The following SOX5 variants were observed in gnomAD, a reference collection of about 807,000 sequenced individuals.
The protein encoded by SOX5 is transcription factor SOX-5.
A neutral mutation model predicts 92.0 loss-of-function variants in SOX5; 9 were observed. The ratio of observed to expected loss-of-function variants is 0.10; its 90% CI spans 0.06 to 0.17. The LOEUF is 0.17. Among genes scored for constraint, SOX5 ranks in the 10% least tolerant of loss-of-function variants. The probability of loss-of-function intolerance (pLI) is 1.00; values close to 1 mark genes in which losing one functional copy is unlikely to be tolerated. For synonymous variants in SOX5, 344 were observed against 336.3 expected (o/e 1.02, Z -0.25); for missense variants, 642 against 944.5 (o/e 0.68, Z 4.20).
chr12:24,440,981 G>A (rs1940464995), intron 1 of SOX5, among the ~76,000 whole-genome samples: 1 of 152,176 alleles, frequency 6.6e-6, no homozygotes, highest in Non-Finnish European at 1.5e-5. Context: ...CACAGTCAGG[G>A]TTCATGCATT....
At chr12:24,282,337 C>T (rs1945309284) in intron 2 of SOX5, among the ~76,000 whole-genome samples, 1 of 151,150 alleles carries the variant, frequency 6.6e-6, no homozygotes, top group South Asian at 2.1e-4. Flanking sequence ...TGCACATGTA[C>T]CCTAAAACTT....
chr12:23,592,153 C>T (rs939113734), intron 9 of SOX5, among the ~76,000 whole-genome samples: 5 of 152,082 alleles, frequency 3.3e-5, no homozygotes, highest in South Asian at 2.1e-4. Flanking sequence ...TTTGCGGTTT[C>T]GTGAAAATGT....
At chr12:23,635,576 G>A (rs1484822960) in intron 8 of SOX5, among the ~76,000 whole-genome samples, 4 of 152,016 alleles carry the variant, frequency 2.6e-5, no homozygotes, top group African/African-American at 9.7e-5. Context: ...TAATGTAAAT[G>A]ACAAGTTAAT....
At chr12:23,859,484 CCT>C (rs1812881554) in intron 2 of SOX5, among the ~76,000 whole-genome samples, 1 of 152,152 alleles carries the variant, frequency 6.6e-6, no homozygotes, top group Admixed American at 6.5e-5. Flanking sequence ...GCTCTGGAAC[CCT>C]GTTTCCTGTT....
intron 4 of SOX5, among the ~76,000 whole-genome samples, chr12:24,035,769 T>C (rs1287924808): frequency 6.6e-6 from 1 of 152,034 alleles, no homozygotes; most frequent in Non-Finnish European, 1.5e-5. Flanking sequence ...CTACAACTGT[T>C]TTCCCTGCTG....
intron 13 of SOX5, among the ~76,000 whole-genome samples, chr12:23,537,277 T>C (rs1321865912): frequency 6.6e-6 from 1 of 152,198 alleles, no homozygotes; most frequent in Non-Finnish European, 1.5e-5. Flanking sequence ...GACATACTGA[T>C]GTCTTTTTCC....
At chr12:23,933,507 C>T (rs1444552715) in intron 1 of SOX5, among the ~76,000 whole-genome samples, 1 of 151,528 alleles carries the variant, frequency 6.6e-6, no homozygotes, top group Non-Finnish European at 1.5e-5. Context: ...GCAAATAAAT[C>T]ATGAGAAAGC....
At chr12:24,144,747 C>A (rs555495075) in intron 4 of SOX5, among the ~76,000 whole-genome samples, 2 of 151,760 alleles carry the variant, frequency 1.3e-5, no homozygotes, top group African/African-American at 4.8e-5. Context: ...GAGGATTGCT[C>A]GGGCCCAGGA....
chr12:23,941,185 C>T (rs1943565118), intron 1 of SOX5, among the ~76,000 whole-genome samples: 1 of 151,572 alleles, frequency 6.6e-6, no homozygotes, highest in Non-Finnish European at 1.5e-5. Context: ...CATGTGCACA[C>T]ACGTATAACT....
chr12:23,553,700 A>G (rs1055613080), intron 11 of SOX5, among the ~76,000 whole-genome samples: 4 of 152,086 alleles, frequency 2.6e-5, no homozygotes, highest in Admixed American at 6.6e-5. Context: ...GAAAATCAGG[A>G]GGCCAACTAA....
At chr12:23,728,058 C>T (rs569182379) in intron 6 of SOX5, among the ~76,000 whole-genome samples, 65 of 151,836 alleles carry the variant, frequency 4.3e-4, no homozygotes, top group South Asian at 2.3e-3. Flanking sequence ...TAAAGTGGCT[C>T]CCTCTGAGTG....
At chr12:24,051,117 GC>G (rs1485431098) in intron 4 of SOX5, among the ~76,000 whole-genome samples, 1 of 152,112 alleles carries the variant, frequency 6.6e-6, no homozygotes, top group Non-Finnish European at 1.5e-5. Context: ...GCCTGAAGAG[GC>G]CAATGAGCAT....
intron 2 of SOX5, among the ~76,000 whole-genome samples, chr12:24,363,686 G>C (rs182977712): frequency 1.3e-5 from 2 of 148,312 alleles, no homozygotes; most frequent in Admixed American, 1.4e-4. Context: ...TACAGACTGA[G>C]ATTAATGAGG....
chr12:23,800,174 A>T (rs554238191), intron 3 of SOX5, among the ~76,000 whole-genome samples: 17 of 152,292 alleles, frequency 1.1e-4, no homozygotes, highest in African/African-American at 3.8e-4. Context: ...ATGGTTGAAA[A>T]AAAGAAGAAT....
chr12:24,256,579 A>C (rs1941205945), intron 3 of SOX5, among the ~76,000 whole-genome samples: 1 of 149,280 alleles, frequency 6.7e-6, no homozygotes, highest in Non-Finnish European at 1.5e-5. Flanking sequence ...GTTTTAAGTT[A>C]CACTGCCTTT....
At chr12:24,316,771 T>C (rs1949732376) in intron 2 of SOX5, among the ~76,000 whole-genome samples, 1 of 152,164 alleles carries the variant, frequency 6.6e-6, no homozygotes, top group Non-Finnish European at 1.5e-5. Context: ...AAAGCATTCC[T>C]TATTAGGTAG....
intron 4 of SOX5, among the ~76,000 whole-genome samples, chr12:24,045,686 T>C (rs548379656): frequency 1.3e-5 from 2 of 152,324 alleles, no homozygotes; most frequent in Non-Finnish European, 1.5e-5. Flanking sequence ...CATGGCTATT[T>C]GTAAATTTCA....
chr12:23,691,790 T>C (rs1401529986), intron 6 of SOX5, among the ~76,000 whole-genome samples: 1 of 152,134 alleles, frequency 6.6e-6, no homozygotes, highest in Non-Finnish European at 1.5e-5. Flanking sequence ...TTTAAATGAG[T>C]CTTTTCAAAT....
chr12:24,366,192 T>C (rs1269355251), intron 2 of SOX5, among the ~76,000 whole-genome samples: 1 of 152,158 alleles, frequency 6.6e-6, no homozygotes, highest in African/African-American at 2.4e-5. Context: ...CATTGTGATT[T>C]TTCTGGCAAC....
Sources: gnomAD v4.1 joint callset for allele counts (sites outside exome capture counted in the v4.1 genomes callset) on GRCh38, gnomAD v4.1.1 for gene constraint, MANE v1.5 for transcripts, NCBI Gene and HGNC (gene_info 2026-07-23, HGNC 2026-07-21) for gene names.